The following CHN2 variants were observed in gnomAD, a reference collection of about 807,000 sequenced individuals.
The protein encoded by CHN2 is chimerin 2.
CHN2 carries 35 observed loss-of-function variants against 56.3 expected under a neutral mutation model. The ratio of observed to expected loss-of-function variants is 0.62; its 90% CI spans 0.47 to 0.82. The LOEUF (loss-of-function observed/expected upper bound fraction) is 0.82, where lower values mean the gene tolerates loss of function less well. CHN2 is among the 40% of genes least tolerant of loss of function. The pLI is 0.00. For missense variants in CHN2, 491 were observed against 580.5 expected (o/e 0.85, Z 1.58); for synonymous variants, 210 against 212.8 (o/e 0.99, Z 0.12).
At chr7:29,354,484 CTGCTCCCTAAA>C in intron 1 of CHN2, 130 bp from the exon 2 acceptor site, 2 of 715,370 alleles carry the variant, frequency 2.8e-6, no homozygotes, top group Non-Finnish European at 4.8e-6. Context: ...GTGTCTGGAA[CTGCTCCCTAAA>C]TGAGAAGAGA....
At chr7:29,488,606 A>G (rs918610544) in intron 7 of CHN2, among the ~76,000 whole-genome samples, 1 of 152,232 alleles carries the variant, frequency 6.6e-6, no homozygotes, top group African/African-American at 2.4e-5. Flanking sequence ...CTGATTTTTA[A>G]TATGAATAAT....
At chr7:29,395,698 A>G (rs950355041) in intron 4 of CHN2, among the ~76,000 whole-genome samples, 1 of 152,086 alleles carries the variant, frequency 6.6e-6, no homozygotes, top group Non-Finnish European at 1.5e-5. Flanking sequence ...AATATATTAG[A>G]TATTATAGGT....
At chr7:29,256,623 A>G (rs1789101217) in intron 1 of CHN2, among the ~76,000 whole-genome samples, 2 of 152,176 alleles carry the variant, frequency 1.3e-5, no homozygotes, top group African/African-American at 2.4e-5. Flanking sequence ...GCTGGTGCTC[A>G]TGGATCATTT....
At chr7:29,391,809 A>C (rs939305271) in intron 3 of CHN2, among the ~76,000 whole-genome samples, 1 of 152,216 alleles carries the variant, frequency 6.6e-6, no homozygotes, top group Non-Finnish European at 1.5e-5. Flanking sequence ...CTGAGCCTAG[A>C]GCCCAGAACA....
chr7:29,265,974 G>T (rs915811494), intron 1 of CHN2, among the ~76,000 whole-genome samples: 3 of 152,194 alleles, frequency 2.0e-5, no homozygotes, highest in Non-Finnish European at 4.4e-5. Context: ...AGGCTGATGT[G>T]AGAGGATGAA....
chr7:29,278,917 C>T (rs1319631413), intron 1 of CHN2, among the ~76,000 whole-genome samples: 1 of 152,162 alleles, frequency 6.6e-6, no homozygotes, highest in Non-Finnish European at 1.5e-5. Flanking sequence ...GAAGACTGCC[C>T]TTCATGAACA....
At chr7:29,448,561 C>T (rs1784188669) in intron 6 of CHN2, among the ~76,000 whole-genome samples, 1 of 152,172 alleles carries the variant, frequency 6.6e-6, no homozygotes, top group South Asian at 2.1e-4. Context: ...CCTGTAAGAT[C>T]CCGCCTCATA....
chr7:29,226,699 C>A (rs141819785), intron 1 of CHN2, among the ~76,000 whole-genome samples: 15 of 152,174 alleles, frequency 9.9e-5, no homozygotes, highest in African/African-American at 3.4e-4. Flanking sequence ...TATGACTTTT[C>A]GAATTTCCTC....
intron 2 of CHN2, among the ~76,000 whole-genome samples, chr7:29,165,725 C>A (rs1040444785): frequency 2.6e-5 from 4 of 152,008 alleles, no homozygotes; most frequent in African/African-American, 9.7e-5. Context: ...TTCTTCTTTT[C>A]TTTTTTAAAT....
chr7:29,297,697 T>C (rs988589654), intron 1 of CHN2, among the ~76,000 whole-genome samples: 2 of 151,996 alleles, frequency 1.3e-5, no homozygotes, highest in Non-Finnish European at 2.9e-5. Flanking sequence ...ATGTTGGGCT[T>C]CTGGGTTCCC....
chr7:29,409,216 C>T (rs1183463265), intron 6 of CHN2, among the ~76,000 whole-genome samples: 3 of 152,134 alleles, frequency 2.0e-5, no homozygotes, highest in Non-Finnish European at 2.9e-5. Flanking sequence ...TCCAAAAGTG[C>T]TCAAACTTCT....
chr7:29,289,180 T>A (rs1052009338), intron 1 of CHN2: 4 of 152,334 alleles, frequency 2.6e-5, no homozygotes, highest in Admixed American at 1.3e-4. Flanking sequence ...GGCTTGTAGG[T>A]TGGACTTAAT....
At chr7:29,226,352 G>T (rs866923549) in intron 1 of CHN2, among the ~76,000 whole-genome samples, 3 of 152,156 alleles carry the variant, frequency 2.0e-5, no homozygotes, top group Admixed American at 6.5e-5. Context: ...ACAGCAGCAT[G>T]AAACACAAAC....
rs543447056 is a variant in CHN2 at position 29,352,577 on chromosome 7, G to A, written c.50-2048G>A. ...TCTCTATTAAAAAATACAAAAATTA[G>A]CTGGGTGTGGTGGCACACGCCTGTA... On this transcript the variant is annotated intron_variant, in intron 1 of 12. Coordinates refer to ENST00000222792, the MANE Select transcript of CHN2 (RefSeq NM_004067.4). Among the ~76,000 whole-genome samples, 184 of 152,088 alleles carry A rather than the reference G, an allele frequency of 1.2e-3. 1 individual carries two copies. The highest frequency in any genetic ancestry group is 1.7e-3 in the Non-Finnish European group (119 of 68,002).
chr7:29,411,268 T>C (rs957036582), intron 6 of CHN2, among the ~76,000 whole-genome samples: 2 of 152,192 alleles, frequency 1.3e-5, no homozygotes, highest in African/African-American at 4.8e-5. Flanking sequence ...CAAAGTGACA[T>C]TGAACAAGGA....
rs1787811200 is a variant in CHN2 at position 29,460,744 on chromosome 7, A to G, written c.577-19535A>G. On this transcript the variant is annotated intron_variant, in intron 6 of 12. Coordinates refer to ENST00000222792, the MANE Select transcript of CHN2 (RefSeq NM_004067.4). The stretch of plus-strand genomic sequence containing the variant: ...ATCTCTTGGTATCGGAGGGAAGCAA[A>G]TGGCTGCTAGTGGAGGGAACAGAGC... 2.6e-5 allele frequency among the ~76,000 whole-genome samples: 4 copies of G among 152,282 alleles called. No individual in the cohort carries two copies. The South Asian group carries it at 8.3e-4, about 32-fold the overall frequency.
intron 1 of CHN2, among the ~76,000 whole-genome samples, chr7:29,237,241 G>T (rs998473477): frequency 1.3e-5 from 2 of 152,308 alleles, no homozygotes; most frequent in Admixed American, 6.5e-5. Context: ...AATTAGCAGT[G>T]TCTTATCTCA....
chr7:29,396,085 TTAAAAA>T lies in CHN2; in HGVS notation c.177-2279_177-2274del, dbSNP rs1218886593. On this transcript the variant is annotated intron_variant, in intron 4 of 12. Coordinates refer to ENST00000222792, the MANE Select transcript of CHN2 (RefSeq NM_004067.4). ...AATATGTACAATAATTATATATCAA[TTAAAAA>T]TAAAAATAGAAAAAGTATGCATACT... is the stretch of plus-strand genomic sequence containing the variant. Among the ~76,000 whole-genome samples, 29 of 152,032 alleles carry T rather than the reference TTAAAAA, an allele frequency of 1.9e-4. No homozygotes were observed. The East Asian group carries it at 5.4e-3, about 28-fold the overall frequency.
chr7:29,382,478 A>T (rs925932479), intron 3 of CHN2, among the ~76,000 whole-genome samples: 2 of 152,186 alleles, frequency 1.3e-5, no homozygotes, highest in African/African-American at 4.8e-5. Context: ...CTTTCCATGG[A>T]TACCCCTTTT....
Sources: gnomAD v4.1 joint callset for allele counts (sites outside exome capture counted in the v4.1 genomes callset) on GRCh38, gnomAD v4.1.1 for gene constraint, MANE v1.5 for transcripts, NCBI Gene and HGNC (gene_info 2026-07-23, HGNC 2026-07-21) for gene names.